The following SLC71A2 variants were observed in gnomAD, a reference collection of about 807,000 sequenced individuals.
SLC71A2 encodes the protein hippocampus abundant transcript-like 1.
chr9:94,436,695 C>T, the SLC71A2 span, among the ~76,000 whole-genome samples: 1 of 152,046 alleles, frequency 6.6e-6, no homozygotes, highest in Admixed American at 6.6e-5. Context: ...TTGAGTCCCT[C>T]CTCTTATCAG....
At chr9:94,445,008 T>C in the SLC71A2 span, 861 of 1,614,132 alleles carry the variant, frequency 5.3e-4, 3 homozygotes, top group Middle Eastern at 1.5e-3. Flanking sequence ...GCCCGGCCAT[T>C]GGAGCATATC....
the SLC71A2 span, among the ~76,000 whole-genome samples, chr9:94,397,836 C>G: frequency 6.6e-6 from 1 of 152,198 alleles, no homozygotes; most frequent in Non-Finnish European, 1.5e-5. Flanking sequence ...TTCATTATAT[C>G]ATATCAACAG....
chr9:94,416,854 CAAAA>C, the SLC71A2 span, among the ~76,000 whole-genome samples: 2 of 131,910 alleles, frequency 1.5e-5, no homozygotes. Context: ...AACTCCATCT[CAAAA>C]AAAAAAAAAA....
At chr9:94,383,643 A>G in the SLC71A2 span, among the ~76,000 whole-genome samples, 30,252 of 152,080 alleles carry the variant, frequency 0.2, 3,240 homozygotes, top group African/African-American at 0.28. Context: ...CGTTTTAGTG[A>G]TTCTGGGTCT....
the SLC71A2 span, among the ~76,000 whole-genome samples, chr9:94,409,501 G>T: frequency 1.3e-5 from 2 of 151,888 alleles, no homozygotes; most frequent in Non-Finnish European, 2.9e-5. Flanking sequence ...GTTTGTATCT[G>T]CTCTGATCTT....
the SLC71A2 span, among the ~76,000 whole-genome samples, chr9:94,405,772 G>C: frequency 6.6e-6 from 1 of 151,928 alleles, no homozygotes; most frequent in African/African-American, 2.4e-5. Flanking sequence ...TTTGGCTTTT[G>C]GGGGTCCCTT....
At chr9:94,452,509 A>G in the SLC71A2 span, among the ~76,000 whole-genome samples, 4 of 151,862 alleles carry the variant, frequency 2.6e-5, no homozygotes, top group Middle Eastern at 3.2e-3. Context: ...AGGCAGGAGA[A>G]TCGCTTGAAC....
the SLC71A2 span, among the ~76,000 whole-genome samples, chr9:94,445,949 A>G: frequency 0.1 from 15,837 of 152,222 alleles, 1,474 homozygotes; most frequent in East Asian, 0.35. Context: ...TCAGACACCA[A>G]AAGAAATATT....
At chr9:94,458,604 T>C in the SLC71A2 span, 1 of 802,192 alleles carries the variant, frequency 1.2e-6, no homozygotes. Flanking sequence ...TGTTCATTGC[T>C]TCTCGGGATC....
the SLC71A2 span, among the ~76,000 whole-genome samples, chr9:94,381,650 G>T: frequency 2.0e-5 from 3 of 152,128 alleles, no homozygotes; most frequent in Admixed American, 2.0e-4. Context: ...AAATGGCTGG[G>T]TCATATGGTA....
chr9:94,434,430 C>T, the SLC71A2 span, among the ~76,000 whole-genome samples: 1 of 152,174 alleles, frequency 6.6e-6, no homozygotes, highest in East Asian at 1.9e-4. Context: ...GATTCTCCTG[C>T]CTCAGACTCC....
the SLC71A2 span, chr9:94,432,726 A>G: frequency 3.1e-6 from 1 of 324,126 alleles, no homozygotes; most frequent in Non-Finnish European, 6.4e-6. Flanking sequence ...ATGATGCCAA[A>G]CTTTCTATGC....
the SLC71A2 span, among the ~76,000 whole-genome samples, chr9:94,386,871 G>T: frequency 6.6e-6 from 1 of 152,042 alleles, no homozygotes; most frequent in Non-Finnish European, 1.5e-5. Context: ...TTTCCACTTT[G>T]TTAAAGATTG....
chr9:94,405,015 T>C, the SLC71A2 span, among the ~76,000 whole-genome samples: 1 of 152,216 alleles, frequency 6.6e-6, no homozygotes, highest in African/African-American at 2.4e-5. Flanking sequence ...TTAACTTTTA[T>C]ATATGGTTTA....
the SLC71A2 span, chr9:94,445,059 C>A: frequency 3.7e-6 from 6 of 1,614,054 alleles, no homozygotes; most frequent in Non-Finnish European, 5.1e-6. Context: ...TGCTGGTGGC[C>A]ACAGTGGTGG....
chr9:94,460,069 T>TTTCA, the SLC71A2 span: 3 of 152,374 alleles, frequency 2.0e-5, no homozygotes, highest in Non-Finnish European at 4.4e-5. Flanking sequence ...TGAAAGAAAT[T>TTTCA]TTCATTACAA....
At chr9:94,426,726 A>C in the SLC71A2 span, among the ~76,000 whole-genome samples, 3 of 151,492 alleles carry the variant, frequency 2.0e-5, no homozygotes, top group Admixed American at 1.3e-4. Flanking sequence ...TTTTTCTTTT[A>C]AAATGTTTCC....
chr9:94,384,133 C>T, the SLC71A2 span, among the ~76,000 whole-genome samples: 958 of 152,194 alleles, frequency 6.3e-3, 8 homozygotes, highest in African/African-American at 0.021. Flanking sequence ...ATTCTATACC[C>T]ATGAAACAAC....
chr9:94,385,630 C>A, the SLC71A2 span, among the ~76,000 whole-genome samples: 2 of 152,138 alleles, frequency 1.3e-5, no homozygotes, highest in Non-Finnish European at 2.9e-5. Context: ...AGAGACCATT[C>A]TTTTATGGCA....
Sources: gnomAD v4.1 joint callset for allele counts (sites outside exome capture counted in the v4.1 genomes callset) on GRCh38, gnomAD v4.1.1 for gene constraint, MANE v1.5 for transcripts, NCBI Gene and HGNC (gene_info 2026-07-23, HGNC 2026-07-21) for gene names.